Variants in ELP4 observed in about 807,000 individuals in gnomAD.
The protein encoded by ELP4 is elongator acetyltransferase complex subunit 4.
ELP4 carries 51 observed loss-of-function variants against 48.9 expected under a neutral mutation model. That is an observed-to-expected ratio of 1.04 (90% confidence interval 0.83 to 1.32). ELP4 has a LOEUF of 1.32. Ranked by LOEUF, ELP4 falls within the 40% of genes most tolerant of loss-of-function variation. ELP4 has a pLI of 0.00. For synonymous variants in ELP4, 210 were observed against 189.2 expected (o/e 1.11, Z -0.90); for missense variants, 519 against 514.6 (o/e 1.01, Z -0.08).
intron 3 of ELP4, among the ~76,000 whole-genome samples, chr11:31,544,342 G>A (rs2133914287): frequency 6.6e-6 from 1 of 152,342 alleles, no homozygotes; most frequent in South Asian, 2.1e-4. Flanking sequence ...CGCATCAGGA[G>A]TTTATATCCT....
intron 9 of ELP4, among the ~76,000 whole-genome samples, chr11:31,758,875 C>T (rs926140077): frequency 6.6e-6 from 1 of 151,980 alleles, no homozygotes; most frequent in Non-Finnish European, 1.5e-5. Context: ...ACCATGTTGC[C>T]CAAGCTGGTC....
intron 3 of ELP4, among the ~76,000 whole-genome samples, chr11:31,553,420 C>T (rs898747521): frequency 5.3e-5 from 8 of 152,090 alleles, no homozygotes; most frequent in African/African-American, 1.4e-4. Flanking sequence ...CTCAATAAAA[C>T]AAAAACGCTG....
intron 9 of ELP4, among the ~76,000 whole-genome samples, chr11:31,702,162 C>G (rs1946537819): frequency 6.6e-6 from 1 of 151,994 alleles, no homozygotes; most frequent in East Asian, 1.9e-4. Context: ...AGACTTGAGC[C>G]AGGCATGGTG....
At chr11:31,608,752 T>C (rs924232481) in intron 5 of ELP4, among the ~76,000 whole-genome samples, 8 of 152,018 alleles carry the variant, frequency 5.3e-5, no homozygotes, top group South Asian at 2.1e-4. Flanking sequence ...TGAAGAAATA[T>C]AGTATTAGAC....
chr11:31,752,652 G>A (rs1469524715), intron 9 of ELP4, among the ~76,000 whole-genome samples: 1 of 151,944 alleles, frequency 6.6e-6, no homozygotes, highest in Non-Finnish European at 1.5e-5. Flanking sequence ...GGCTAACACG[G>A]TGAAACCCCG....
intron 5 of ELP4, among the ~76,000 whole-genome samples, chr11:31,624,169 G>T (rs549247338): frequency 6.6e-6 from 1 of 151,874 alleles, no homozygotes; most frequent in East Asian, 1.9e-4. Context: ...ATCAGAAAGA[G>T]AACCACCATA....
intron 9 of ELP4, among the ~76,000 whole-genome samples, chr11:31,723,098 G>A (rs912692320): frequency 6.6e-6 from 1 of 152,172 alleles, no homozygotes; most frequent in Non-Finnish European, 1.5e-5. Flanking sequence ...CCAGTTTAGG[G>A]CAGGACAACT....
rs1193397827 is a variant in ELP4 at position 31,632,253 on chromosome 11, A to G, written c.775A>G (p.Asn259Asp). The change falls in exon 7 of 10, where the codon AAT becomes GAT. Residue 259 changes from asparagine (N) to aspartate (D), a missense_variant. Coordinates refer to ENST00000640961, the MANE Select transcript of ELP4 (RefSeq NM_019040.5). ...QRNILRIGIQ[N>D]LGSPLWGDDI... ...AAACATTTTAAGAATAGGAATTCAG[A>G]ATCTTGGCTCACCTTTATGGGGAGA... 1.2e-6 allele frequency: 2 copies of G among 1,607,296 alleles called. No homozygotes were observed. Among genetic ancestry groups the G allele is most frequent in the Non-Finnish European group, 1.7e-6 (2 of 1,178,124 alleles).
At chr11:31,600,860 T>G (rs1417643928) in intron 4 of ELP4, among the ~76,000 whole-genome samples, 1 of 152,200 alleles carries the variant, frequency 6.6e-6, no homozygotes, top group Non-Finnish European at 1.5e-5. Flanking sequence ...TTTGTTTCTT[T>G]GTAACATACT....
intron 1 of ELP4, among the ~76,000 whole-genome samples, chr11:31,516,866 C>T (rs1429161168): frequency 6.6e-6 from 1 of 152,066 alleles, no homozygotes; most frequent in African/African-American, 2.4e-5. Flanking sequence ...TAAAAGTTAT[C>T]CTATGTAGTC....
At chr11:31,663,376 A>G (rs1945603125) in intron 9 of ELP4, 1 of 152,170 alleles carries the variant, frequency 6.6e-6, no homozygotes, top group African/African-American at 2.4e-5. Flanking sequence ...TTGAATACAC[A>G]GATGACTTCA....
At position 31,693,181 on chromosome 11, in the gene ELP4, T is replaced by C. The variant is rs569946173; in HGVS notation, c.1143+42960T>C. On this transcript the variant is annotated intron_variant, in intron 9 of 9. Coordinates refer to ENST00000640961, the MANE Select transcript of ELP4 (RefSeq NM_019040.5). ...TTTTATTATTATTATTATTATACTT[T>C]AAGTTCTAGGGTACATGTGCATAAC... 2.6e-5 allele frequency among the ~76,000 whole-genome samples: 4 copies of C among 152,190 alleles called. No individual in the cohort carries two copies. In the South Asian group the frequency reaches 6.2e-4, roughly 24 times the overall value.
At chr11:31,711,268 A>C (rs2134171763) in intron 9 of ELP4, among the ~76,000 whole-genome samples, 1 of 152,340 alleles carries the variant, frequency 6.6e-6, no homozygotes, top group African/African-American at 2.4e-5. Flanking sequence ...CACTGTGTGT[A>C]CCATGTGGTA....
At chr11:31,559,026 A>G (rs1251717711) in intron 3 of ELP4, among the ~76,000 whole-genome samples, 1 of 152,202 alleles carries the variant, frequency 6.6e-6, no homozygotes, top group Non-Finnish European at 1.5e-5. Context: ...CTAAAAGAAA[A>G]TACATTTTGT....
At chr11:31,766,804 TTTGA>T (rs1162628460) in intron 9 of ELP4, among the ~76,000 whole-genome samples, 1 of 152,132 alleles carries the variant, frequency 6.6e-6, no homozygotes, top group Non-Finnish European at 1.5e-5. Context: ...TTTACAAATA[TTTGA>T]TTGGGTAAAT....
rs1949158853 is a variant in ELP4, at chr11:31,789,784, C to T, written c.*6260C>T. The T allele has an allele frequency of 1.3e-6, 1 of 750,668 alleles. No homozygotes were observed. The highest frequency in any genetic ancestry group is 2.2e-4 in the Middle Eastern group (1 of 4,472). The allele number at this position is 750,668 out of a possible 1,614,324, so 46.5% of individuals were successfully genotyped here. A position where few individuals can be genotyped will look rare whatever the true frequency, so the allele number is the denominator to read the frequency against. ...TCCTTGTTTCAAGTCCATTCCTTCC[C>T]CAGTGGTACAATACAGGACACAATT... is the stretch of plus-strand genomic sequence containing the variant. On this transcript the variant is annotated 3_prime_UTR_variant, in exon 10 of 10. Coordinates refer to ENST00000640961, the MANE Select transcript of ELP4 (RefSeq NM_019040.5).
At chr11:31,532,807 C>T (rs2973905) in intron 2 of ELP4, among the ~76,000 whole-genome samples, 55,105 of 136,484 alleles carry the variant, frequency 0.4, 13,938 homozygotes, top group African/African-American at 0.73. Context: ...GTTTTGCTCT[C>T]GTTGCCCAGG....
intron 2 of ELP4, among the ~76,000 whole-genome samples, chr11:31,538,981 G>A (rs1178067328): frequency 6.6e-6 from 1 of 152,148 alleles, no homozygotes; most frequent in African/African-American, 2.4e-5. Flanking sequence ...GGCCTATAAA[G>A]TGGGAATTGT....
chr11:31,603,944 TCAA>T, intron 5 of ELP4, 37 bp downstream of exon 5: 1 of 1,578,960 alleles, frequency 6.3e-7, no homozygotes, highest in South Asian at 1.1e-5. Context: ...AAATCTGATT[TCAA>T]ATATTAGTAG....
Sources: allele counts gnomAD v4.1 joint callset (sites outside exome capture counted in the v4.1 genomes callset), GRCh38; gene constraint gnomAD v4.1.1; transcripts MANE v1.5; gene names NCBI Gene and HGNC (gene_info 2026-07-23, HGNC 2026-07-21).